Variants in ENTPD6 observed in about 807,000 individuals in gnomAD.
The protein encoded by ENTPD6 is CD39 antigen-like 2.
Under a neutral mutation model 61.5 loss-of-function variants are expected in ENTPD6, and 46 were observed. That is an observed-to-expected ratio of 0.75 (90% CI 0.59 to 0.96). The LOEUF is 0.96. ENTPD6 is among the 40% of genes least tolerant of loss of function. ENTPD6 has a pLI of 0.00. For missense variants in ENTPD6, 612 were observed against 629.0 expected (o/e 0.97, Z 0.29); for synonymous variants, 252 against 255.5 (o/e 0.99, Z 0.13).
In ENTPD6 at chr20:25,225,203, AGT is replaced by A. The variant is rs759962700; in HGVS notation, c.1247_1248del (p.Cys416SerfsTer42). ...GCGTGAAGGGACGTGTCTCATCCCC[AGT>A]GTGTCGGACCCTGGAGACACAGCCG... On this transcript the variant is annotated splice_acceptor_variant and coding_sequence_variant, in exon 14 of 15. Coordinates refer to ENST00000376652, the MANE Select transcript of ENTPD6 (RefSeq NM_001247.5). LOFTEE classifies it high-confidence loss of function. The A allele has an allele frequency of 6.2e-7, 1 of 1,611,582 alleles. No homozygotes were observed. Among genetic ancestry groups the A allele is most frequent in the Admixed American group, 1.7e-5 (1 of 59,836 alleles).
chr20:25,217,691 G>A, intron 9 of ENTPD6, 110 bp downstream of exon 9: 1 of 925,070 alleles, frequency 1.1e-6, no homozygotes, highest in Non-Finnish European at 1.7e-6. Context: ...GAATCCCTGT[G>A]CTGGGAATCC....
chr20:25,211,636 GT>G (rs1346286988), intron 4 of ENTPD6, among the ~76,000 whole-genome samples: 1 of 152,180 alleles, frequency 6.6e-6, no homozygotes, highest in African/African-American at 2.4e-5. Context: ...AGCCTCCTTA[GT>G]TTTTTTGGCT....
rs142458401 is a variant in ENTPD6 at position 25,201,454 on chromosome 20, G to A, written c.-15-5068G>A. Among the ~76,000 whole-genome samples the A allele has an allele frequency of 5.6e-4, 85 of 152,196 alleles. 1 individual carries two copies. Among genetic ancestry groups the A allele is most frequent in the East Asian group, 3.9e-4 (2 of 5,188 alleles). On this transcript the variant is annotated intron_variant, in intron 1 of 14. Transcript: ENST00000376652. ...ATTTAGGGGTTTTGATGTTTACTGT[G>A]TATATGTTTATAATTGTTTTATATT...
chr20:25,226,973 C>T lies in ENTPD6; in HGVS notation c.*1376C>T, dbSNP rs1205360044. 1.3e-5 allele frequency among the ~76,000 whole-genome samples: 2 copies of T among 152,252 alleles called. No individual in the cohort carries two copies. The highest frequency in any genetic ancestry group is 2.1e-4 in the South Asian group (1 of 4,836). On this transcript the variant is annotated 3_prime_UTR_variant, in exon 15 of 15. Coordinates refer to ENST00000376652, the MANE Select transcript of ENTPD6 (RefSeq NM_001247.5). ...TGTGCCAGGCCAGCAGCCCACAGCA[C>T]GGCCAGGTGAGGCCTGGGCACATAA...
At chr20:25,212,590 G>A (rs923672693) in intron 4 of ENTPD6, among the ~76,000 whole-genome samples, 1 of 152,220 alleles carries the variant, frequency 6.6e-6, no homozygotes, top group African/African-American at 2.4e-5. Flanking sequence ...GATGGTGGCT[G>A]ACACCTCTAA....
rs41297634 is a variant in ENTPD6 at position 25,226,267 on chromosome 20, G to A, written c.*670G>A. 2.6e-5 allele frequency: 4 copies of A among 152,904 alleles called. No individual in the cohort carries two copies. Among genetic ancestry groups the A allele is most frequent in the Admixed American group, 2.0e-4 (3 of 15,314 alleles). The allele number at this position is 152,904 out of a possible 1,614,324, so 9.5% of individuals were successfully genotyped here. ...ACGGCAGGTGCCCACCTTTCAGGGA[G>A]TCTCCCAGCATGGGCGGATGCCGGG... On this transcript the variant is annotated 3_prime_UTR_variant, in exon 15 of 15. Transcript: ENST00000376652.
At chr20:25,209,312 A>G (rs2091777860) in intron 3 of ENTPD6, among the ~76,000 whole-genome samples, 1 of 151,684 alleles carries the variant, frequency 6.6e-6, no homozygotes, top group African/African-American at 2.4e-5. Flanking sequence ...GGGTTTCACC[A>G]TATTCGCCAG....
intron 3 of ENTPD6, 141 bp downstream of exon 3, chr20:25,207,538 C>G: frequency 1.3e-6 from 1 of 744,590 alleles, no homozygotes; most frequent in South Asian, 2.4e-5. Context: ...GGCTGGGGTC[C>G]AAGCATCTGA....
chr20:25,219,534 G>A (rs530376692), intron 10 of ENTPD6, among the ~76,000 whole-genome samples: 9 of 152,346 alleles, frequency 5.9e-5, no homozygotes, highest in East Asian at 3.9e-4. Context: ...GCATCACAGC[G>A]GGCATGGACT....
intron 4 of ENTPD6, among the ~76,000 whole-genome samples, chr20:25,211,400 G>T (rs764625855): frequency 1.3e-5 from 2 of 152,172 alleles, no homozygotes; most frequent in Non-Finnish European, 2.9e-5. Context: ...AAATGTCCAC[G>T]CTCCCCAGGG....
chr20:25,207,481 G>A (rs118028386), intron 3 of ENTPD6, 84 bp downstream of exon 3: 30,531 of 1,280,972 alleles, frequency 0.024, 507 homozygotes, highest in Non-Finnish European at 0.029. Flanking sequence ...AGACTCACCT[G>A]GGAGCTTGTC....
Position 25,213,358 on chromosome 20 carries a change from T to C in ENTPD6, c.549T>C (p.Ala183=). The C allele has an allele frequency of 1.9e-6, 3 of 1,614,132 alleles. No individual in the cohort carries two copies. Among genetic ancestry groups the C allele is most frequent in the South Asian group, 1.1e-5 (1 of 91,084 alleles). ...CCCCTCTGGTCCTCAAGGCCACAGC[T>C]GGCTTACGCCTGTTACCTGGAGAAA... ...KATPLVLKAT[A]GLRLLPGEKA... The change falls in exon 5 of 15, where the codon GCT becomes GCC. Residue 183 remains alanine (A), a synonymous_variant. Coordinates refer to ENST00000376652, the MANE Select transcript of ENTPD6 (RefSeq NM_001247.5).
At chr20:25,206,143 G>T (rs962543483) in intron 1 of ENTPD6, among the ~76,000 whole-genome samples, 1 of 152,214 alleles carries the variant, frequency 6.6e-6, no homozygotes, top group Non-Finnish European at 1.5e-5. Context: ...GATGAAACTG[G>T]CCCCCTTGAG....
At chr20:25,212,324 T>G (rs1457889252) in intron 4 of ENTPD6, among the ~76,000 whole-genome samples, 3 of 152,204 alleles carry the variant, frequency 2.0e-5, no homozygotes, top group Non-Finnish European at 4.4e-5. Context: ...CAGAATTGCC[T>G]AGTGCCACAC....
At chr20:25,220,809 C>T (rs2092604677) in intron 10 of ENTPD6, among the ~76,000 whole-genome samples, 2 of 152,232 alleles carry the variant, frequency 1.3e-5, no homozygotes, top group Admixed American at 1.3e-4. Context: ...TTTGAGCCCC[C>T]AGCTTGTGTG....
rs1228193626 is a variant in ENTPD6, at chr20:25,207,116, T to TA, written c.96dup (p.Ser33IlefsTer75). 6.2e-7 allele frequency: 1 copy of TA among 1,613,228 alleles called. No homozygotes were observed. Among genetic ancestry groups the TA allele is most frequent in the South Asian group, 1.1e-5 (1 of 91,048 alleles). On this transcript the variant is annotated frameshift_variant, in exon 3 of 15. Transcript: ENST00000376652. LOFTEE classifies it high-confidence loss of function. Reference sequence around the variant, plus strand: ...CCTTGGCAAACAAGGATGAGAAAAATATCCAACCACGGGAGCCTGCGGGTG... The same window carrying TA: ...CCTTGGCAAACAAGGATGAGAAAAATAATCCAACCACGGGAGCCTGCGGGTG...
At chr20:25,224,210 C>A (rs769352813) in intron 13 of ENTPD6, 53 bp downstream of exon 13, 1 of 1,542,476 alleles carries the variant, frequency 6.5e-7, no homozygotes, top group South Asian at 1.1e-5. Context: ...CCGTGATGCT[C>A]GTGACGCAGG....
intron 11 of ENTPD6, chr20:25,222,119 C>T (rs1032205082): frequency 1.3e-5 from 2 of 153,242 alleles, no homozygotes; most frequent in African/African-American, 4.8e-5. Flanking sequence ...GCAGCAGCAC[C>T]CCAGGCCGCA....
intron 12 of ENTPD6, 135 bp from the exon 13 acceptor site, chr20:25,223,966 A>C: frequency 1.4e-6 from 1 of 736,678 alleles, no homozygotes; most frequent in East Asian, 2.8e-5. Flanking sequence ...TGCCGCCTAC[A>C]GCTGGAGGGC....
Sources: gnomAD v4.1 joint callset for allele counts (sites outside exome capture counted in the v4.1 genomes callset) on GRCh38, gnomAD v4.1.1 for gene constraint, MANE v1.5 for transcripts, NCBI Gene and HGNC (gene_info 2026-07-23, HGNC 2026-07-21) for gene names.